Variants in DISP3 observed in about 807,000 individuals in gnomAD.
DISP3 encodes the protein dispatched RND transporter family member 3.
A neutral mutation model predicts 135.3 loss-of-function variants in DISP3; 101 were observed. The ratio of observed to expected loss-of-function variants is 0.75; its 90% CI spans 0.64 to 0.88. DISP3 has a LOEUF of 0.88. DISP3 is among the 40% of genes least tolerant of loss of function. DISP3 has a pLI of 0.00. For missense variants in DISP3, 1,713 were observed against 1,878.6 expected (o/e 0.91, Z 1.63); for synonymous variants, 856 against 817.0 (o/e 1.05, Z -0.81).
intron 3 of DISP3, among the ~76,000 whole-genome samples, chr1:11,508,022 A>T (rs1641753686): frequency 6.6e-6 from 1 of 152,224 alleles, no homozygotes; most frequent in African/African-American, 2.4e-5. Flanking sequence ...TACATTTTTA[A>T]CAACTTTATT....
Position 11,524,138 on chromosome 1 carries a change from T to C in DISP3, c.2476+83T>C, listed in dbSNP as rs545462011. 13 of 1,052,502 alleles carry C rather than the reference T, an allele frequency of 1.2e-5. No individual in the cohort carries two copies. The East Asian group carries it at 3.2e-4, about 26-fold the overall frequency. The allele number at this position is 1,052,502 out of a possible 1,614,324, so 65.2% of individuals were successfully genotyped here. On this transcript the variant is annotated intron_variant, in intron 11 of 20. Coordinates refer to ENST00000294484, the MANE Select transcript of DISP3 (RefSeq NM_020780.2). Reference sequence around the variant, plus strand: ...TGTAAGGAGAGCAGATAAAATTCCTTCTGGATTCTCCTTCAAGAAGGAGAT... The same window carrying C: ...TGTAAGGAGAGCAGATAAAATTCCTCCTGGATTCTCCTTCAAGAAGGAGAT...
chr1:11,519,754 G>A lies in DISP3; in HGVS notation c.2074G>A (p.Val692Met), dbSNP rs1642124903. 1.2e-6 allele frequency: 2 copies of A among 1,612,960 alleles called. No homozygotes were observed. Among genetic ancestry groups the A allele is most frequent in the African/African-American group, 1.3e-5 (1 of 74,928 alleles). ...LELGDVSLVS[V>M]SPEGLQPASN... ...GCTGGGAGACGTGTCCCTGGTGTCT[G>A]TGTCCCCCGAGGGTCTGCAGCCAGC... The change falls in exon 9 of 21, where the codon GTG (valine) becomes ATG (methionine). Residue 692 changes from valine to methionine, a missense_variant. By Grantham distance (21) the Val-to-Met change is conservative (BLOSUM62 1). Coordinates refer to ENST00000294484, the MANE Select transcript of DISP3 (RefSeq NM_020780.2). This position sits in a 1 kb window ranked among gnomAD's most constrained non-coding sequence, Gnocchi z 4.3.
chr1:11,532,365 TC>T (rs1031777294), intron 17 of DISP3, among the ~76,000 whole-genome samples: 8 of 152,294 alleles, frequency 5.3e-5, no homozygotes, highest in African/African-American at 1.4e-4. Flanking sequence ...AAGTTACTCG[TC>T]CCCTCTGGCC....
In DISP3 at chr1:11,537,082, G is replaced by A. The variant is rs1225189903; in HGVS notation, c.*396G>A. 1.6e-5 allele frequency: 3 copies of A among 185,190 alleles called. No individual in the cohort carries two copies. In the Admixed American group the frequency reaches 1.7e-4, roughly 10 times the overall value. The allele number at this position is 185,190 out of a possible 1,614,324, so 11.5% of individuals were successfully genotyped here. ...CCATTCTACCGATGTGAAAACTGAGGCGCCAGGACACAGTGGCTGCCCTGT... is the reference window on the plus strand; with the variant it reads ...CCATTCTACCGATGTGAAAACTGAGACGCCAGGACACAGTGGCTGCCCTGT... On this transcript the variant is annotated 3_prime_UTR_variant, in exon 21 of 21. Coordinates refer to ENST00000294484, the MANE Select transcript of DISP3 (RefSeq NM_020780.2).
chr1:11,480,677 G>GCACACACACACACA lies in DISP3; in HGVS notation c.-4+1329_-4+1342dup, dbSNP rs70983561. 2.9e-3 allele frequency among the ~76,000 whole-genome samples: 412 copies of GCACACACACACACA among 142,734 alleles called. 2 individuals carry two copies. The highest frequency in any genetic ancestry group is 4.4e-3 in the Non-Finnish European group (289 of 65,538). 93.6% of individuals were successfully genotyped at this position (142,734 alleles called of 152,430 possible). On this transcript the variant is annotated intron_variant, in intron 1 of 20. Transcript: ENST00000294484. ...ACACTTCCACCCCCAGCGCGCGCGT[G>GCACACACACACACA]CACACACACACACACACACACACAC...
intron 5 of DISP3, 26 bp from the exon 6 acceptor site, chr1:11,515,975 G>C: frequency 6.2e-7 from 1 of 1,610,514 alleles, no homozygotes; most frequent in African/African-American, 1.3e-5. Flanking sequence ...ATAATCCTGA[G>C]CCTGGCTGGG....
In DISP3 at chr1:11,536,604, C is replaced by T; in HGVS notation, c.4097C>T (p.Ala1366Val). The T allele has an allele frequency of 1.2e-6, 2 of 1,610,858 alleles. No individual in the cohort carries two copies. The highest frequency in any genetic ancestry group is 1.7e-6 in the Non-Finnish European group (2 of 1,179,474). Residue 1366 changes from alanine (A) to valine (V), a missense_variant, in exon 21 of 21, where the codon GCA becomes GTA. Coordinates refer to ENST00000294484, the MANE Select transcript of DISP3 (RefSeq NM_020780.2). This position sits in a 1 kb window ranked among gnomAD's most constrained non-coding sequence, Gnocchi z 4.3. ...FLKALGAVLL[A>V]GALGLGACLV... ...AAGGCCCTGGGTGCCGTGCTGCTGG[C>T]AGGGGCCCTGGGGCTGGGTGCCTGC...
rs1642573625 is a variant in DISP3, at chr1:11,531,411, G to A, written c.3230-154G>A. ...CCCACAGGTCATGTTCCACCCCGAT[G>A]GCAAATGCATGTTGTAGGTTTCCCA... On this transcript the variant is annotated intron_variant, in intron 16 of 20. Coordinates refer to ENST00000294484, the MANE Select transcript of DISP3 (RefSeq NM_020780.2). This position sits in a 1 kb window ranked among gnomAD's most constrained non-coding sequence, Gnocchi z 5.2. Among the ~76,000 whole-genome samples the A allele has an allele frequency of 6.6e-6, 1 of 152,186 alleles. No individual in the cohort carries two copies. Among genetic ancestry groups the A allele is most frequent in the African/African-American group, 2.4e-5 (1 of 41,450 alleles).
chr1:11,533,317 G>A (rs1223958282), intron 17 of DISP3, among the ~76,000 whole-genome samples: 2 of 141,836 alleles, frequency 1.4e-5, no homozygotes, highest in South Asian at 2.3e-4. Flanking sequence ...GTGCAGTTGC[G>A]CAATCTTGGC....
At chr1:11,530,115 GTCCGGT>G (rs1642539056) in intron 15 of DISP3, among the ~76,000 whole-genome samples, 156 bp downstream of exon 15, 1 of 152,210 alleles carries the variant, frequency 6.6e-6, no homozygotes, top group Non-Finnish European at 1.5e-5. Flanking sequence ...GCCCCTGGGG[GTCCGGT>G]TTTTCTTGAG....
chr1:11,525,487 C>T (rs1642388116), intron 12 of DISP3, among the ~76,000 whole-genome samples, 175 bp downstream of exon 12: 1 of 152,248 alleles, frequency 6.6e-6, no homozygotes, highest in Non-Finnish European at 1.5e-5. Flanking sequence ...GTGGTAGCAG[C>T]GTGGGCTTCT....
Position 11,516,267 on chromosome 1 carries a change from C to T in DISP3, c.1749+106C>T. The T allele has an allele frequency of 7.3e-7, 1 of 1,369,432 alleles. No individual in the cohort carries two copies. 84.8% of individuals were successfully genotyped at this position (1,369,432 alleles called of 1,614,324 possible). A position where few individuals can be genotyped will look rare whatever the true frequency, so the allele number is the denominator to read the frequency against. On this transcript the variant is annotated intron_variant, in intron 6 of 20. Transcript: ENST00000294484. The surrounding 1 kb of genome is among the most constrained non-coding windows in gnomAD (Gnocchi z 5.1). ...ACCGCTTGAGTGGCCATATAGCCTT[C>T]ACCTCAAGGTACTTGCCCTGGCTCT...
At chr1:11,508,972 A>G (rs998300417) in intron 3 of DISP3, among the ~76,000 whole-genome samples, 24 of 152,020 alleles carry the variant, frequency 1.6e-4, no homozygotes, top group African/African-American at 3.6e-4. Context: ...CTCTTGTACT[A>G]CTTTCTTAAA....
intron 1 of DISP3, among the ~76,000 whole-genome samples, chr1:11,485,258 G>A (rs1641006433): frequency 6.6e-6 from 1 of 152,176 alleles, no homozygotes; most frequent in African/African-American, 2.4e-5. Flanking sequence ...AGGGTCAGGA[G>A]GAAGGTTTCC....
chr1:11,536,881 C>A lies in DISP3; in HGVS notation c.*195C>A. The A allele has an allele frequency of 1.3e-6, 1 of 771,052 alleles. No homozygotes were observed. Among genetic ancestry groups the A allele is most frequent in the Non-Finnish European group, 2.0e-6 (1 of 506,158 alleles). 47.8% of individuals were successfully genotyped at this position (771,052 alleles called of 1,614,324 possible). On this transcript the variant is annotated 3_prime_UTR_variant, in exon 21 of 21. Transcript: ENST00000294484. This position sits in a 1 kb window ranked among gnomAD's most constrained non-coding sequence, Gnocchi z 4.3. ...GGAGCTGGGAGTTGGAGACAGCCGC[C>A]ACCCCACAGGCCGGGCTACTGGCAG...
intron 2 of DISP3, 104 bp from the exon 3 acceptor site, chr1:11,502,574 G>T: frequency 1.1e-6 from 1 of 896,080 alleles, no homozygotes. Flanking sequence ...ATGGACAGGG[G>T]GAATCCTGGG....
intron 18 of DISP3, 73 bp downstream of exon 18, chr1:11,534,613 G>A: frequency 7.2e-6 from 11 of 1,520,436 alleles, no homozygotes; most frequent in Admixed American, 4.1e-5. Flanking sequence ...AGGGCACAGA[G>A]CGGCCTGAGT....
chr1:11,534,966 G>A (rs557164699), intron 18 of DISP3, 45 bp from the exon 19 acceptor site: 36 of 1,509,212 alleles, frequency 2.4e-5, no homozygotes, highest in African/African-American at 2.8e-5. Flanking sequence ...AGCTTGCTGC[G>A]ACCGCCCACA....
intron 3 of DISP3, among the ~76,000 whole-genome samples, chr1:11,505,408 A>G (rs1352823261): frequency 2.0e-5 from 3 of 152,250 alleles, no homozygotes; most frequent in Non-Finnish European, 4.4e-5. Context: ...GGTGATGACT[A>G]TAGAAGGACT....
Sources: allele counts gnomAD v4.1 joint callset (sites outside exome capture counted in the v4.1 genomes callset), GRCh38; gene constraint gnomAD v4.1.1; non-coding constraint Gnocchi (gnomAD v3.1); transcripts MANE v1.5; gene names NCBI Gene and HGNC (gene_info 2026-07-23, HGNC 2026-07-21).